DAB1: variants seen among roughly 807,000 people sequenced by gnomAD.
The protein encoded by DAB1 is DAB adaptor protein 1.
A neutral mutation model predicts 64.6 loss-of-function variants in DAB1; 15 were observed. The ratio of observed to expected loss-of-function variants is 0.23; its 90% CI spans 0.16 to 0.36. DAB1 has a LOEUF of 0.36. Ranked by LOEUF, DAB1 falls within the 10% of genes least tolerant of loss-of-function variation. The pLI is 1.00. For synonymous variants in DAB1, 235 were observed against 251.9 expected, an observed-to-expected ratio of 0.93 and a Z score of 0.64; for missense variants, 596 against 706.7, an observed-to-expected ratio of 0.84 and a Z score of 1.78.
chr1:57,129,450 G>T (rs1186944868), intron 4 of DAB1, among the ~76,000 whole-genome samples: 1 of 152,172 alleles, frequency 6.6e-6, no homozygotes, highest in East Asian at 1.9e-4. Flanking sequence ...GGCAGCCATG[G>T]GCCAGTGGAA....
chr1:58,130,586 C>T (rs1213762), intron 5 of DAB1, among the ~76,000 whole-genome samples: 79,793 of 151,740 alleles, frequency 0.53, 24,469 homozygotes, highest in East Asian at 0.86. Flanking sequence ...GATTTTGCAG[C>T]GGCTGGTACC....
intron 1 of DAB1, among the ~76,000 whole-genome samples, chr1:57,342,711 G>A (rs909664848): frequency 5.3e-5 from 8 of 152,184 alleles, no homozygotes; most frequent in Non-Finnish European, 1.0e-4. Flanking sequence ...GTTCGGATGT[G>A]TTCAGAGTTT....
chr1:57,280,757 T>C (rs1350762458), intron 2 of DAB1, among the ~76,000 whole-genome samples: 2 of 152,172 alleles, frequency 1.3e-5, no homozygotes, highest in African/African-American at 4.8e-5. Flanking sequence ...GTCTGAATTG[T>C]AGGAATTTTG....
chr1:57,602,525 G>C (rs573712756), intron 7 of DAB1, among the ~76,000 whole-genome samples: 1 of 152,246 alleles, frequency 6.6e-6, no homozygotes, highest in African/African-American at 2.4e-5. Context: ...AAAGGATGAG[G>C]GTGAGTATGT....
intron 2 of DAB1, among the ~76,000 whole-genome samples, chr1:57,191,936 T>C (rs1287615553): frequency 6.6e-6 from 1 of 152,062 alleles, no homozygotes. Flanking sequence ...CAGAGGGCCA[T>C]ACCGTAATAA....
In DAB1 at chr1:58,121,511, A is replaced by G. The variant is rs578180507; in HGVS notation, n.387+29000T>C. Among the ~76,000 whole-genome samples the G allele has an allele frequency of 3.3e-5, 5 of 152,276 alleles. No individual in the cohort carries two copies. The South Asian group carries it at 8.3e-4, about 25-fold the overall frequency. On this transcript the variant is annotated intron_variant and non_coding_transcript_variant, in intron 5 of 20. Transcript: ENST00000485760. Reference sequence around the variant, plus strand: ...TCATTTCTCCCTGTAGGTTCAAGTCAAAGATTCAGTTCTCTCTCAAAATTT... The same window carrying G: ...TCATTTCTCCCTGTAGGTTCAAGTCGAAGATTCAGTTCTCTCTCAAAATTT...
intron 4 of DAB1, among the ~76,000 whole-genome samples, chr1:58,296,252 AG>A (rs1661989203): frequency 6.7e-6 from 1 of 148,820 alleles, no homozygotes; most frequent in African/African-American, 2.5e-5. Flanking sequence ...AAAGAAAGAA[AG>A]AAAGAAAGAA....
At chr1:58,407,833 T>C (rs1214033338) in intron 3 of DAB1, among the ~76,000 whole-genome samples, 1 of 152,182 alleles carries the variant, frequency 6.6e-6, no homozygotes, top group Non-Finnish European at 1.5e-5. Context: ...ATCAAGTCAC[T>C]TTCTTACTAA....
At position 57,015,316 on chromosome 1, in the gene DAB1, C is replaced by T. The variant is rs1411240871; in HGVS notation, c.1011G>A (p.Gln337=). Residue 337 remains glutamine (Q), a synonymous_variant, in exon 12 of 15, where the codon CAG becomes CAA. Coordinates refer to ENST00000371236, the MANE Select transcript of DAB1 (RefSeq NM_001365792.1). ...GACCCGGCTGGCCCCATGCGATGGG[C>T]TGAGCCCCCGGCATCACCTGAGCGA... The part of the protein sequence containing the change: ...PPVAQVMPGA[Q]PIAWGQPGLF... 1.9e-6 allele frequency: 3 copies of T among 1,614,126 alleles called. No individual in the cohort carries two copies. The highest frequency in any genetic ancestry group is 2.7e-5 in the African/African-American group (2 of 75,048).
At chr1:57,307,494 T>C (rs1240885411) in intron 1 of DAB1, 1 of 150,026 alleles carries the variant, frequency 6.7e-6, no homozygotes, top group Non-Finnish European at 1.5e-5. Flanking sequence ...CACCATCTGT[T>C]GAATCTAGAC....
intron 5 of DAB1, chr1:58,049,168 C>T: frequency 1.3e-6 from 1 of 779,096 alleles, no homozygotes; most frequent in Non-Finnish European, 2.3e-6. Flanking sequence ...ACCACACAGT[C>T]CGTGAGCGTT....
At chr1:57,422,658 C>G (rs1004501168) in intron 1 of DAB1, among the ~76,000 whole-genome samples, 17 of 152,126 alleles carry the variant, frequency 1.1e-4, no homozygotes, top group Non-Finnish European at 2.2e-4. Flanking sequence ...CCTTCAGACT[C>G]TCCCAGCCTA....
intron 3 of DAB1, among the ~76,000 whole-genome samples, chr1:58,461,243 TA>T (rs759009492): frequency 1.2e-3 from 180 of 152,328 alleles, no homozygotes; most frequent in African/African-American, 4.3e-3. Flanking sequence ...GTACAGAAGT[TA>T]ACTGTGTACT....
intron 4 of DAB1, among the ~76,000 whole-genome samples, chr1:58,199,744 G>A (rs1019404048): frequency 6.6e-6 from 1 of 152,064 alleles, no homozygotes; most frequent in South Asian, 2.1e-4. Context: ...CATTAATTAC[G>A]GTAGATTGAT....
intron 4 of DAB1, among the ~76,000 whole-genome samples, chr1:58,223,436 T>G (rs1464791458): frequency 6.6e-6 from 1 of 152,204 alleles, no homozygotes; most frequent in Admixed American, 6.5e-5. Context: ...CTAGCTAGGC[T>G]AAGCAACAAA....
chr1:58,477,913 A>G (rs949272371), intron 3 of DAB1, among the ~76,000 whole-genome samples: 18 of 152,114 alleles, frequency 1.2e-4, no homozygotes, highest in African/African-American at 4.3e-4. Context: ...AGTAACTTCC[A>G]TTACCCCTCT....
intron 5 of DAB1, chr1:58,056,560 C>T (rs1570289422): frequency 8.7e-6 from 7 of 805,100 alleles, no homozygotes; most frequent in African/African-American, 5.0e-5. Context: ...AACCTAACTC[C>T]CCCATTTTCT....
chr1:57,010,870 T>C, intron 13 of DAB1, 80 bp from the exon 14 acceptor site: 1 of 1,093,690 alleles, frequency 9.1e-7, no homozygotes, highest in Non-Finnish European at 1.3e-6. Context: ...TATACTTTCA[T>C]GCAGCACAAT....
At chr1:57,064,856 T>C (rs1430917847) in intron 8 of DAB1, among the ~76,000 whole-genome samples, 1 of 152,184 alleles carries the variant, frequency 6.6e-6, no homozygotes, top group Non-Finnish European at 1.5e-5. Flanking sequence ...ATGTCGTTTC[T>C]TTGCTCCTGA....
Sources: allele counts gnomAD v4.1 joint callset (sites outside exome capture counted in the v4.1 genomes callset), GRCh38; gene constraint gnomAD v4.1.1; transcripts MANE v1.5; gene names NCBI Gene and HGNC (gene_info 2026-07-23, HGNC 2026-07-21).